ADAM33: variants seen among roughly 807,000 people sequenced by gnomAD.
ADAM33 encodes ADAM metallopeptidase domain 33.
A neutral mutation model predicts 106.2 loss-of-function variants in ADAM33; 103 were observed. That is an observed-to-expected ratio of 0.97 (90% confidence interval 0.83 to 1.14). The LOEUF (loss-of-function observed/expected upper bound fraction) is 1.14. Among genes scored for constraint, ADAM33 ranks in the 50% most tolerant of loss-of-function variants. ADAM33 has a pLI of 0.00. For missense variants in ADAM33, 1,120 were observed against 1,096.6 expected, an observed-to-expected ratio of 1.02 and a Z score of -0.30; for synonymous variants, 483 against 453.0, an observed-to-expected ratio of 1.07 and a Z score of -0.84.
At chr20:3,669,107 A>C in intron 21 of ADAM33, 107 bp from the exon 22 acceptor site, 1 of 1,385,016 alleles carries the variant, frequency 7.2e-7, no homozygotes, top group Non-Finnish European at 1.0e-6. Context: ...ATCCAGGAAA[A>C]GCCACAGCTT....
rs1432482620 is a variant in ADAM33, at chr20:3,679,474, G to A, written c.177+18C>T. 3 of 1,598,898 alleles carry A rather than the reference G, an allele frequency of 1.9e-6. No individual in the cohort carries two copies. The highest frequency in any genetic ancestry group is 1.3e-5 in the African/African-American group (1 of 74,784). Reference sequence around the variant, plus strand: ...AGGTTCAGGGCCCCTGTGGAGGGCGGGGAGACATGGCACTGACCGGCTCCT... The same window carrying A: ...AGGTTCAGGGCCCCTGTGGAGGGCGAGGAGACATGGCACTGACCGGCTCCT... On this transcript the variant is annotated intron_variant, in intron 2 of 21. Transcript: ENST00000356518.
At chr20:3,674,431 G>T (rs1173514980) in intron 6 of ADAM33, 73 bp downstream of exon 6, 1 of 1,602,002 alleles carries the variant, frequency 6.2e-7, no homozygotes, top group Non-Finnish European at 8.5e-7. Context: ...CGAGGCCTGT[G>T]AATTCCCGTC....
intron 2 of ADAM33, among the ~76,000 whole-genome samples, chr20:3,679,136 CTT>C (rs778392877): frequency 4.1e-4 from 32 of 78,198 alleles, no homozygotes; most frequent in Admixed American, 5.3e-4. Context: ...CTTTTTGGTG[CTT>C]TTTTTTTTTT....
Position 3,679,861 on chromosome 20 carries a change from C to T in ADAM33, c.98-290G>A, listed in dbSNP as rs561092305. ...TGTCGGGGGGCAGGCTTGGGCTCGG[C>T]GATCACAAGGAAGAGGCCAAGGCCG... On this transcript the variant is annotated intron_variant, in intron 1 of 21. Transcript: ENST00000356518. Among the ~76,000 whole-genome samples, 51 of 152,190 alleles carry T rather than the reference C, an allele frequency of 3.4e-4. 1 individual carries two copies. Among genetic ancestry groups the T allele is most frequent in the Non-Finnish European group, 6.9e-4 (47 of 68,008 alleles).
chr20:3,670,552 C>T, intron 19 of ADAM33: 1 of 170,170 alleles, frequency 5.9e-6, no homozygotes, highest in Non-Finnish European at 1.3e-5. Flanking sequence ...AAAAGATGTG[C>T]TGGGCCCAGC....
rs148007711 is a variant in ADAM33, at chr20:3,671,144, G to T, written c.2102C>A (p.Thr701Asn). 893 of 1,612,756 alleles carry T rather than the reference G, an allele frequency of 5.5e-4. 3 individuals carry two copies. The African/African-American group carries it at 7.0e-3, about 13-fold the overall frequency. ...GCTGAGGAGCATGGCCAGCAGGAAG[G>T]TGTCATGGTCTGCGGGGATTGGGGG... ...SGPVQAENHD[T>N]FLLAMLLSVL... Residue 701 changes from threonine to asparagine, a missense_variant, in exon 19 of 22, where the codon ACC (threonine) becomes AAC (asparagine). Transcript: ENST00000356518.
intron 11 of ADAM33, 75 bp downstream of exon 11, chr20:3,673,279 C>A: frequency 1.3e-6 from 2 of 1,534,352 alleles, no homozygotes; most frequent in African/African-American, 1.4e-5. Context: ...AACTGAGGGA[C>A]GACCAAAGAA....
chr20:3,679,151 T>TTTC (rs1012033348), intron 2 of ADAM33, among the ~76,000 whole-genome samples: 1 of 150,240 alleles, frequency 6.7e-6, no homozygotes, highest in African/African-American at 2.5e-5. Context: ...TTTTTTTTTT[T>TTTC]TTTAGAGGCT....
intron 13 of ADAM33, 61 bp from the exon 14 acceptor site, chr20:3,672,390 G>C: frequency 6.3e-7 from 1 of 1,586,840 alleles, no homozygotes; most frequent in Non-Finnish European, 8.6e-7. Flanking sequence ...AGAGGTCCAT[G>C]CCGAGAGCGC....
At position 3,674,293 on chromosome 20, in the gene ADAM33, G is replaced by T; in HGVS notation, c.601-9C>A. 5.6e-6 allele frequency: 9 copies of T among 1,613,796 alleles called. No homozygotes were observed. Among genetic ancestry groups the T allele is most frequent in the Non-Finnish European group, 7.6e-6 (9 of 1,180,002 alleles). Reference sequence around the variant, plus strand: ...CGCGCTTCTCGCCTGCCCTGCGGAGGTGCAAATGGGGACCCTGAGTGGAAG... The same window carrying T: ...CGCGCTTCTCGCCTGCCCTGCGGAGTTGCAAATGGGGACCCTGAGTGGAAG... On this transcript the variant is annotated splice_polypyrimidine_tract_variant and intron_variant, in intron 6 of 21. Coordinates refer to ENST00000356518, the MANE Select transcript of ADAM33 (RefSeq NM_025220.5).
At chr20:3,679,387 G>T in intron 2 of ADAM33, 105 bp downstream of exon 2, 1 of 1,204,044 alleles carries the variant, frequency 8.3e-7, no homozygotes, top group Non-Finnish European at 1.2e-6. Context: ...TAGTGACTTG[G>T]TGGTTCTGGG....
intron 18 of ADAM33, 36 bp from the exon 19 acceptor site, chr20:3,671,189 G>C: frequency 2.5e-6 from 4 of 1,612,944 alleles, no homozygotes; most frequent in Non-Finnish European, 3.4e-6. Flanking sequence ...TGAGTCCTGA[G>C]CAGGTGCACC....
intron 11 of ADAM33, 196 bp from the exon 12 acceptor site, chr20:3,673,094 G>A (rs1004531288): frequency 6.9e-6 from 10 of 1,452,422 alleles, no homozygotes; most frequent in Non-Finnish European, 9.0e-6. Context: ...GGGACCCAAG[G>A]TGGAATCGCG....
intron 2 of ADAM33, among the ~76,000 whole-genome samples, chr20:3,678,650 A>G (rs1296052201): frequency 1.3e-5 from 2 of 151,926 alleles, no homozygotes; most frequent in Non-Finnish European, 2.9e-5. Context: ...TAGGGCTGAA[A>G]ATTCCAAACA....
chr20:3,672,560 C>T lies in ADAM33; in HGVS notation c.1378G>A (p.Gly460Arg), dbSNP rs768654352. 8 of 1,613,400 alleles carry T rather than the reference C, an allele frequency of 5.0e-6. No homozygotes were observed. Among genetic ancestry groups the T allele is most frequent in the Middle Eastern group, 1.6e-4 (1 of 6,084 alleles). Reference protein sequence around the residue: ...SLRPGAQCAHGDCCVRCLLKP... With the variant: ...SLRPGAQCAHRDCCVRCLLKP... ...ACCAGGCAGCGCACGCAGCAGTCCC[C>T]GTGGGCGCACTGGGCCCCCGGGCGC... Residue 460 changes from glycine to arginine, a missense_variant, in exon 13 of 22, where the codon GGG becomes AGG. Transcript: ENST00000356518.
rs1358455215 is a variant in ADAM33 at position 3,671,779 on chromosome 20, C to T, written c.1707G>A (p.Arg569=). ...ACTGCAGCTTCCCACACAGGGCATCCCTGGGGAGGAAGTAGAGGGGGGTCA... is the reference window on the plus strand; with the variant it reads ...ACTGCAGCTTCCCACACAGGGCATCTCTGGGGAGGAAGTAGAGGGGGGTCA... The part of the protein sequence containing the change: ...SEGHFLPCAG[R]DALCGKLQCQ... The change falls in exon 16 of 22, where the codon AGG becomes AGA. Residue 569 remains arginine (R), a splice_region_variant and synonymous_variant. Transcript: ENST00000356518. The T allele has an allele frequency of 1.3e-6, 2 of 1,560,422 alleles. No individual in the cohort carries two copies. Among genetic ancestry groups the T allele is most frequent in the Non-Finnish European group, 8.7e-7 (1 of 1,151,932 alleles).
At chr20:3,679,675 AG>A in intron 1 of ADAM33, 104 bp from the exon 2 acceptor site, 1 of 1,060,740 alleles carries the variant, frequency 9.4e-7, no homozygotes. Flanking sequence ...GAGGCACTGG[AG>A]GCCTTTTGGG....
Position 3,673,615 on chromosome 20 carries a change from C to G in ADAM33, c.949G>C (p.Glu317Gln). ...QGATVGLAPV[E>Q]GMCRAESSGG... The stretch of plus-strand genomic sequence containing the variant: ...GAGCTCTCGGCGCGGCACATGCCCT[C>G]GACGGGCGCCAGGCCCACTGTGGCG... The change falls in exon 10 of 22, where the codon GAG (glutamate) becomes CAG (glutamine). Residue 317 changes from glutamate to glutamine, a missense_variant. Transcript: ENST00000356518. 1 of 1,360,400 alleles carries G rather than the reference C, an allele frequency of 7.4e-7. No homozygotes were observed. Among genetic ancestry groups the G allele is most frequent in the Non-Finnish European group, 9.4e-7 (1 of 1,064,130 alleles). 84.3% of individuals were successfully genotyped at this position (1,360,400 alleles called of 1,614,324 possible).
rs538216774 is a variant in ADAM33 at position 3,677,698 on chromosome 20, G to C, written c.178-555C>G. On this transcript the variant is annotated intron_variant, in intron 2 of 21. Transcript: ENST00000356518. ...GGCCTCCAGCAGCCCCCGTCCCTCC[G>C]GCTCCGACACCTGCTTCACTGGACC... 3.9e-5 allele frequency among the ~76,000 whole-genome samples: 6 copies of C among 152,176 alleles called. No homozygotes were observed. In the South Asian group the frequency reaches 8.3e-4, roughly 21 times the overall value.
Sources: gnomAD v4.1 joint callset for allele counts (sites outside exome capture counted in the v4.1 genomes callset) on GRCh38, gnomAD v4.1.1 for gene constraint, MANE v1.5 for transcripts, NCBI Gene and HGNC (gene_info 2026-07-23, HGNC 2026-07-21) for gene names.